Variants in NCKAP5 observed in about 807,000 individuals in gnomAD.
NCKAP5 encodes the protein NCK associated protein 5, also known as nck-associated protein 5.
A neutral mutation model predicts 167.0 loss-of-function variants in NCKAP5; 92 were observed. The observed-to-expected ratio is 0.55, with a 90% CI of 0.47 to 0.66. The LOEUF (loss-of-function observed/expected upper bound fraction) is 0.66. NCKAP5 is among the 30% of genes least tolerant of loss of function. The probability of loss-of-function intolerance (pLI) is 0.00; values close to 1 mark genes in which losing one functional copy is unlikely to be tolerated. For missense variants in NCKAP5, 2,378 were observed against 2,315.0 expected (o/e 1.03, Z -0.56); for synonymous variants, 891 against 877.4 (o/e 1.02, Z -0.27).
At chr2:132,745,051 T>C (rs1679522903) in intron 16 of NCKAP5, among the ~76,000 whole-genome samples, 1 of 151,802 alleles carries the variant, frequency 6.6e-6, no homozygotes, top group Admixed American at 6.6e-5. Flanking sequence ...AAAATGATCA[T>C]TTCTTTATAA....
the NCKAP5 span, among the ~76,000 whole-genome samples, chr2:133,622,796 A>G: frequency 6.6e-6 from 1 of 152,112 alleles, no homozygotes; most frequent in South Asian, 2.1e-4. Flanking sequence ...ACAGAACTAG[A>G]AAAAATCCTA....
intron 3 of NCKAP5, among the ~76,000 whole-genome samples, chr2:133,461,282 A>G (rs77927587): frequency 0.021 from 3,202 of 152,276 alleles, 124 homozygotes; most frequent in African/African-American, 0.073. Context: ...TGAGTTATAT[A>G]AGTTAAATGA....
At chr2:133,054,984 A>G (rs2079746180) in intron 6 of NCKAP5, among the ~76,000 whole-genome samples, 2 of 152,200 alleles carry the variant, frequency 1.3e-5, no homozygotes, top group Admixed American at 6.5e-5. Flanking sequence ...AAGGCCTCAC[A>G]GTTGTCTATT....
chr2:133,245,381 C>T (rs1437083004), intron 4 of NCKAP5, among the ~76,000 whole-genome samples: 2 of 152,152 alleles, frequency 1.3e-5, no homozygotes, highest in East Asian at 3.9e-4. Flanking sequence ...AAAAAACAAA[C>T]CATAAGTATT....
At chr2:133,001,755 G>A (rs536275581) in intron 6 of NCKAP5, among the ~76,000 whole-genome samples, 1 of 152,254 alleles carries the variant, frequency 6.6e-6, no homozygotes, top group South Asian at 2.1e-4. Context: ...CATCTGGATT[G>A]ATGGGTTCTC....
intron 3 of NCKAP5, among the ~76,000 whole-genome samples, chr2:133,480,210 G>T (rs183590723): frequency 6.6e-6 from 1 of 152,096 alleles, no homozygotes; most frequent in Non-Finnish European, 1.5e-5. Flanking sequence ...GGGATTACAC[G>T]TGTGAGCCAC....
In NCKAP5 at chr2:133,504,069, G is replaced by GA. The variant is rs201102228; in HGVS notation, c.69+13388dup. On this transcript the variant is annotated intron_variant, in intron 3 of 19. Coordinates refer to ENST00000409261, the MANE Select transcript of NCKAP5 (RefSeq NM_207363.3). ...GTGATCTGTTTTCCATTTGCAGAGGGAAAAAAAAAGTCTAATGTTGGAGGT... is the reference window on the plus strand; with the variant it reads ...GTGATCTGTTTTCCATTTGCAGAGGGAAAAAAAAAAGTCTAATGTTGGAGGT... Among the ~76,000 whole-genome samples, 168 of 150,468 alleles carry GA rather than the reference G, an allele frequency of 1.1e-3. 2 individuals are homozygous for GA. In the Middle Eastern group the frequency reaches 0.014, roughly 12 times the overall value.
chr2:132,918,833 A>G (rs1695088411), intron 8 of NCKAP5, among the ~76,000 whole-genome samples: 1 of 152,244 alleles, frequency 6.6e-6, no homozygotes, highest in South Asian at 2.1e-4. Context: ...CCTGAATTAC[A>G]TAGTAAATCA....
chr2:133,542,035 T>C (rs959104429), intron 2 of NCKAP5, among the ~76,000 whole-genome samples: 1 of 152,120 alleles, frequency 6.6e-6, no homozygotes, highest in Non-Finnish European at 1.5e-5. Flanking sequence ...TCTCACATGG[T>C]ACATCTGGTT....
intron 11 of NCKAP5, among the ~76,000 whole-genome samples, chr2:132,831,412 C>G (rs896766668): frequency 1.3e-5 from 2 of 152,172 alleles, no homozygotes; most frequent in African/African-American, 4.8e-5. Context: ...TTATCACACT[C>G]TAAATACTGG....
chr2:133,545,517 G>A (rs1372382219), intron 2 of NCKAP5, among the ~76,000 whole-genome samples: 3 of 152,094 alleles, frequency 2.0e-5, no homozygotes, highest in Admixed American at 2.0e-4. Context: ...TCATGATACA[G>A]AGTTTGATAG....
At position 132,811,542 on chromosome 2, in the gene NCKAP5, G is replaced by A. The variant is rs146619237; in HGVS notation, c.808-14813C>T. ...TCAGGGAAGTGGGGGAAAGCCGGCA[G>A]TCACAGGCCTCACCCAGCTCCCATG... On this transcript the variant is annotated intron_variant, in intron 11 of 19. Coordinates refer to ENST00000409261, the MANE Select transcript of NCKAP5 (RefSeq NM_207363.3). Among the ~76,000 whole-genome samples the A allele has an allele frequency of 1.7e-3, 254 of 152,168 alleles. 4 individuals are homozygous for A. In the East Asian group the frequency reaches 0.045, roughly 27 times the overall value.
intron 5 of NCKAP5, among the ~76,000 whole-genome samples, chr2:133,194,149 T>A (rs563441351): frequency 1.3e-5 from 2 of 152,226 alleles, no homozygotes; most frequent in East Asian, 3.9e-4. Context: ...CTCCTTTTTT[T>A]AAAATAAAAA....
chr2:133,409,640 C>T (rs1429774903), intron 3 of NCKAP5, among the ~76,000 whole-genome samples: 1 of 152,080 alleles, frequency 6.6e-6, no homozygotes, highest in Non-Finnish European at 1.5e-5. Flanking sequence ...TAGGGTTCGT[C>T]ATGGGCTTTA....
At chr2:132,920,679 AAG>A (rs1558942385) in intron 8 of NCKAP5, among the ~76,000 whole-genome samples, 5 of 111,128 alleles carry the variant, frequency 4.5e-5, no homozygotes, top group African/African-American at 2.1e-4. Flanking sequence ...ATATATATAT[AAG>A]TTAGTTTATA....
the NCKAP5 span, among the ~76,000 whole-genome samples, chr2:133,583,855 G>A: frequency 3.3e-5 from 5 of 152,070 alleles, no homozygotes; most frequent in Non-Finnish European, 5.9e-5. Flanking sequence ...CTGGGTTCAC[G>A]CCATTCTCCT....
chr2:133,283,623 T>C (rs1256435716), intron 4 of NCKAP5, among the ~76,000 whole-genome samples: 1 of 151,994 alleles, frequency 6.6e-6, no homozygotes, highest in South Asian at 2.1e-4. Context: ...TTTTTTTTTT[T>C]TTTTTGAGAC....
At chr2:132,693,360 G>A (rs546577664) in intron 19 of NCKAP5, among the ~76,000 whole-genome samples, 1 of 152,236 alleles carries the variant, frequency 6.6e-6, no homozygotes, top group East Asian at 1.9e-4. Context: ...GGGTCCTTAT[G>A]AGAAGAGAAA....
intron 7 of NCKAP5, among the ~76,000 whole-genome samples, chr2:132,965,765 A>C (rs2076642227): frequency 6.6e-6 from 1 of 152,176 alleles, no homozygotes; most frequent in South Asian, 2.1e-4. Flanking sequence ...ATGTTACTGT[A>C]CTGAATACTG....
Sources: gnomAD v4.1 joint callset for allele counts (sites outside exome capture counted in the v4.1 genomes callset) on GRCh38, gnomAD v4.1.1 for gene constraint, MANE v1.5 for transcripts, NCBI Gene and HGNC (gene_info 2026-07-23, HGNC 2026-07-21) for gene names.